Variants in SLC7A5 observed in about 807,000 individuals in gnomAD.
SLC7A5 encodes the protein solute carrier family 7 member 5.
In SLC7A5, 23 loss-of-function variants were observed where a neutral mutation model predicts 50.2. The ratio of observed to expected loss-of-function variants is 0.46; its 90% CI spans 0.33 to 0.65. The LOEUF (loss-of-function observed/expected upper bound fraction) is 0.65. Ranked by LOEUF, SLC7A5 falls within the 30% of genes least tolerant of loss-of-function variation. The probability of loss-of-function intolerance (pLI) is 0.02; values close to 1 mark genes in which losing one functional copy is unlikely to be tolerated. For missense variants in SLC7A5, 578 were observed against 684.4 expected (o/e 0.84, Z 1.73); for synonymous variants, 393 against 330.6 (o/e 1.19, Z -2.05).
chr16:87,865,319 C>G (rs2055446488), intron 1 of SLC7A5, among the ~76,000 whole-genome samples: 1 of 152,198 alleles, frequency 6.6e-6, no homozygotes, highest in African/African-American at 2.4e-5. Context: ...TGAAAGGGAC[C>G]CTATTAACAT....
chr16:87,839,285 C>T (rs1019993703), intron 5 of SLC7A5, among the ~76,000 whole-genome samples: 2 of 152,200 alleles, frequency 1.3e-5, no homozygotes, highest in Non-Finnish European at 2.9e-5. Context: ...CCCGGTGACA[C>T]CGCCCGGGCC....
In SLC7A5 at chr16:87,853,114, T is replaced by C. The variant is rs2055259326; in HGVS notation, c.539-1265A>G. The stretch of plus-strand genomic sequence containing the variant: ...AAGGCCGTGGGCTCCTCTTCTCTCT[T>C]TCCCCTTGGGAGTAACGCTCAGAAA... On this transcript the variant is annotated intron_variant, in intron 1 of 9. Coordinates refer to ENST00000261622, the MANE Select transcript of SLC7A5 (RefSeq NM_003486.7). This position sits in a 1 kb window ranked among gnomAD's most constrained non-coding sequence, Gnocchi z 4.4. Among the ~76,000 whole-genome samples the C allele has an allele frequency of 6.6e-6, 1 of 152,192 alleles. No homozygotes were observed. The highest frequency in any genetic ancestry group is 1.5e-5 in the Non-Finnish European group (1 of 68,034).
chr16:87,848,053 C>A (rs561142849), intron 2 of SLC7A5, among the ~76,000 whole-genome samples: 44 of 152,348 alleles, frequency 2.9e-4, no homozygotes, highest in Non-Finnish European at 5.1e-4. Flanking sequence ...GCATTTTCCC[C>A]TCCTGGGGTG....
chr16:87,856,446 C>T (rs1179836859), intron 1 of SLC7A5, among the ~76,000 whole-genome samples: 3 of 152,216 alleles, frequency 2.0e-5, no homozygotes, highest in East Asian at 1.9e-4. Flanking sequence ...CACAGCAGTT[C>T]GCACGGGGCC....
rs1269542676 is a variant in SLC7A5, at chr16:87,851,708, T to C, written c.664+16A>G. On this transcript the variant is annotated intron_variant, in intron 2 of 9. Coordinates refer to ENST00000261622, the MANE Select transcript of SLC7A5 (RefSeq NM_003486.7). The stretch of plus-strand genomic sequence containing the variant: ...GCCTCGAGGGGCCGCCGGTGGGGCC[T>C]GGGGGACGTACTCACCCTTCCCGAT... The C allele has an allele frequency of 1.2e-6, 2 of 1,607,478 alleles. No individual in the cohort carries two copies. Among genetic ancestry groups the C allele is most frequent in the Admixed American group, 3.3e-5 (2 of 59,888 alleles).
intron 2 of SLC7A5, among the ~76,000 whole-genome samples, chr16:87,847,368 G>C (rs533244449): frequency 6.6e-5 from 10 of 152,280 alleles, no homozygotes; most frequent in African/African-American, 2.2e-4. Context: ...AGGAGACCAA[G>C]ACAGGGCCGC....
chr16:87,845,542 C>T (rs1436789367), intron 2 of SLC7A5, among the ~76,000 whole-genome samples: 12 of 107,312 alleles, frequency 1.1e-4, no homozygotes, highest in African/African-American at 4.7e-4. Context: ...GCCCACCCCA[C>T]GGAGTCCACG....
In SLC7A5 at chr16:87,862,565, T is replaced by A. The variant is rs578103457; in HGVS notation, c.538+6320A>T. Among the ~76,000 whole-genome samples, 1 of 152,340 alleles carries A rather than the reference T, an allele frequency of 6.6e-6. No individual in the cohort carries two copies. Among genetic ancestry groups the A allele is most frequent in the South Asian group, 2.1e-4 (1 of 4,834 alleles). On this transcript the variant is annotated intron_variant, in intron 1 of 9. Transcript: ENST00000261622. The surrounding 1 kb of genome is among the most constrained non-coding windows in gnomAD (Gnocchi z 5.3). ...CCTGTCTCTGGCTCTTCCCTCCCTC[T>A]CTTTGTTCCCTTGCTCCTTCCTTCT... is the stretch of plus-strand genomic sequence containing the variant.
At chr16:87,863,986 A>AAAAAATATATAT (rs376938738) in intron 1 of SLC7A5, among the ~76,000 whole-genome samples, 31 of 83,276 alleles carry the variant, frequency 3.7e-4, no homozygotes, top group South Asian at 2.1e-3. Context: ...ATCATTTAAA[A>AAAAAATATATAT]ATATATATAT....
Position 87,861,875 on chromosome 16 carries a change from C to T in SLC7A5, c.538+7010G>A, listed in dbSNP as rs1268816680. Reference sequence around the variant, plus strand: ...CCCCGAATCCCGTGATGCAGCGTGACCTGCCTAGGTGCCGGCGGCACTTTC... The same window carrying T: ...CCCCGAATCCCGTGATGCAGCGTGATCTGCCTAGGTGCCGGCGGCACTTTC... On this transcript the variant is annotated intron_variant, in intron 1 of 9. Coordinates refer to ENST00000261622, the MANE Select transcript of SLC7A5 (RefSeq NM_003486.7). This position sits in a 1 kb window ranked among gnomAD's most constrained non-coding sequence, Gnocchi z 4.2. Among the ~76,000 whole-genome samples the T allele has an allele frequency of 3.3e-5, 5 of 152,254 alleles. No homozygotes were observed. The highest frequency in any genetic ancestry group is 1.5e-5 in the Non-Finnish European group (1 of 68,048).
In SLC7A5 at chr16:87,832,577, T is replaced by A. The variant is rs1477430906; in HGVS notation, c.*393A>T. The A allele has an allele frequency of 6.3e-6, 1 of 157,740 alleles. No homozygotes were observed. The highest frequency in any genetic ancestry group is 2.4e-5 in the African/African-American group (1 of 41,442). The allele number at this position is 157,740 out of a possible 1,614,324, so 9.8% of individuals were successfully genotyped here. A position where few individuals can be genotyped will look rare whatever the true frequency, so the allele number is the denominator to read the frequency against. On this transcript the variant is annotated 3_prime_UTR_variant, in exon 10 of 10. Coordinates refer to ENST00000261622, the MANE Select transcript of SLC7A5 (RefSeq NM_003486.7). The surrounding 1 kb of genome is among the most constrained non-coding windows in gnomAD (Gnocchi z 4.6). ...TCTCAGTAGCTCTGTTTGCCCAGGG[T>A]CTGGGCCCTTGGGGCAGGAGAAAGG...
Position 87,834,596 on chromosome 16 carries a change from G to C in SLC7A5, c.1291-5C>G. The stretch of plus-strand genomic sequence containing the variant: ...CACAGGCAGGGCCAGGTTCACCTGG[G>C]GCAGAGGACAGGGCCTGGGTGAGCC... On this transcript the variant is annotated splice_region_variant and splice_polypyrimidine_tract_variant and intron_variant, in intron 8 of 9. Transcript: ENST00000261622. The C allele has an allele frequency of 6.3e-7, 1 of 1,581,882 alleles. No individual in the cohort carries two copies. Among genetic ancestry groups the C allele is most frequent in the Non-Finnish European group, 8.6e-7 (1 of 1,165,606 alleles).
intron 2 of SLC7A5, among the ~76,000 whole-genome samples, chr16:87,849,592 C>A (rs116486103): frequency 6.6e-6 from 1 of 152,204 alleles, no homozygotes; most frequent in Non-Finnish European, 1.5e-5. Context: ...GCACCCCTTC[C>A]GTGCCCACTT....
chr16:87,846,031 G>C (rs945287567), intron 2 of SLC7A5, among the ~76,000 whole-genome samples: 8 of 151,300 alleles, frequency 5.3e-5, no homozygotes, highest in African/African-American at 2.0e-4. Context: ...AGCAAGCGGC[G>C]GGTCAAGCAT....
chr16:87,838,766 C>T lies in SLC7A5; in HGVS notation c.991G>A (p.Val331Met), dbSNP rs1490447672. The T allele has an allele frequency of 3.7e-6, 6 of 1,614,044 alleles. No individual in the cohort carries two copies. The highest frequency in any genetic ancestry group is 1.7e-5 in the Admixed American group (1 of 60,030). ...GVMSWIIPVF[V>M]GLSCFGSVNG... ...ACGGAGCCGAAGCAGGACAGGCCCA[C>T]GAAGACGGGGATGATCCAGGACATG... Residue 331 changes from valine to methionine, a missense_variant, in exon 6 of 10, where the codon GTG becomes ATG. Coordinates refer to ENST00000261622, the MANE Select transcript of SLC7A5 (RefSeq NM_003486.7).
intron 2 of SLC7A5, 77 bp downstream of exon 2, chr16:87,851,647 C>G: frequency 6.4e-7 from 1 of 1,555,878 alleles, no homozygotes; most frequent in East Asian, 2.3e-5. Context: ...CACCCGGGGA[C>G]GGGACCTCAT....
intron 1 of SLC7A5, among the ~76,000 whole-genome samples, chr16:87,868,217 A>C (rs1027703559): frequency 2.6e-5 from 4 of 152,118 alleles, no homozygotes; most frequent in African/African-American, 4.8e-5. Flanking sequence ...GCCCACCAAA[A>C]CAGGAGCCCC....
rs530238994 is a variant in SLC7A5 at position 87,856,561 on chromosome 16, C to T, written c.539-4712G>A. On this transcript the variant is annotated intron_variant, in intron 1 of 9. Coordinates refer to ENST00000261622, the MANE Select transcript of SLC7A5 (RefSeq NM_003486.7). ...TGCAGCCTGTGGCCCCTAGCGGAGC[C>T]AGCACCTGGCAAACCTGACACCCAG... 1.2e-4 allele frequency among the ~76,000 whole-genome samples: 18 copies of T among 152,368 alleles called. No homozygotes were observed. In the South Asian group the frequency reaches 3.5e-3, roughly 30 times the overall value.
chr16:87,866,352 G>C (rs960984448), intron 1 of SLC7A5, among the ~76,000 whole-genome samples: 5 of 152,236 alleles, frequency 3.3e-5, no homozygotes, highest in African/African-American at 1.2e-4. Context: ...TGGTAAAGGA[G>C]GAGAAATGTG....
Sources: allele counts gnomAD v4.1 joint callset (sites outside exome capture counted in the v4.1 genomes callset), GRCh38; gene constraint gnomAD v4.1.1; non-coding constraint Gnocchi (gnomAD v3.1); transcripts MANE v1.5; gene names NCBI Gene and HGNC (gene_info 2026-07-23, HGNC 2026-07-21).